The following SLCO5A1 variants were observed in gnomAD, a reference collection of about 807,000 sequenced individuals.
SLCO5A1 encodes the protein solute carrier organic anion transporter family member 5A1, also known as organic anion transporter polypeptide-related protein 4.
In SLCO5A1, 39 loss-of-function variants were observed where a neutral mutation model predicts 65.1. That is an observed-to-expected ratio of 0.60 (90% CI 0.46 to 0.78). The LOEUF (loss-of-function observed/expected upper bound fraction) is 0.78. SLCO5A1 is among the 30% of genes least tolerant of loss of function. The pLI, the probability that SLCO5A1 is intolerant of heterozygous loss-of-function variation, is 0.00. For synonymous variants in SLCO5A1, 438 were observed against 415.7 expected (o/e 1.05, Z -0.65); for missense variants, 1,029 against 1,069.4 (o/e 0.96, Z 0.53).
chr8:69,818,991 G>A (rs1820521199), intron 2 of SLCO5A1, among the ~76,000 whole-genome samples: 1 of 152,060 alleles, frequency 6.6e-6, no homozygotes, highest in South Asian at 2.1e-4. Flanking sequence ...ATTTATTCAT[G>A]ATTTGCACAG....
At chr8:69,770,084 GT>G (rs1293367360) in intron 2 of SLCO5A1, among the ~76,000 whole-genome samples, 1 of 152,100 alleles carries the variant, frequency 6.6e-6, no homozygotes, top group Non-Finnish European at 1.5e-5. Context: ...CCGTAATTAT[GT>G]TTTTTCATGT....
chr8:69,684,535 C>A (rs1209235736), intron 6 of SLCO5A1, among the ~76,000 whole-genome samples: 1 of 152,180 alleles, frequency 6.6e-6, no homozygotes, highest in African/African-American at 2.4e-5. Flanking sequence ...TAAATGATGC[C>A]ATGGCAAATG....
chr8:69,723,834 G>A lies in SLCO5A1; in HGVS notation c.1423+14206C>T, dbSNP rs574655273. 6.3e-4 allele frequency among the ~76,000 whole-genome samples: 95 copies of A among 149,986 alleles called. 1 individual carries two copies. Among genetic ancestry groups the A allele is most frequent in the African/African-American group, 2.1e-3 (84 of 40,794 alleles). Reference sequence around the variant, plus strand: ...GTCATCCAGGACAGGGTGCAATGGCGCAATCTCGGCTCACTGCAACCTCCG... The same window carrying A: ...GTCATCCAGGACAGGGTGCAATGGCACAATCTCGGCTCACTGCAACCTCCG... On this transcript the variant is annotated intron_variant, in intron 5 of 9. Coordinates refer to ENST00000260126, the MANE Select transcript of SLCO5A1 (RefSeq NM_030958.3).
At chr8:69,769,132 A>G (rs1818205106) in intron 2 of SLCO5A1, among the ~76,000 whole-genome samples, 2 of 152,142 alleles carry the variant, frequency 1.3e-5, no homozygotes, top group South Asian at 4.2e-4. Flanking sequence ...AGTGACCCAC[A>G]TGGGCTACAC....
intron 2 of SLCO5A1, among the ~76,000 whole-genome samples, chr8:69,790,324 G>A (rs1205199031): frequency 5.3e-5 from 8 of 151,308 alleles, no homozygotes; most frequent in Admixed American, 2.0e-4. Flanking sequence ...AGCATCTCAC[G>A]TACCCCATAA....
At chr8:69,790,450 T>TA (rs1385421113) in intron 2 of SLCO5A1, among the ~76,000 whole-genome samples, 1 of 151,998 alleles carries the variant, frequency 6.6e-6, no homozygotes, top group South Asian at 2.1e-4. Context: ...CCTAAACACT[T>TA]AATATCCCTA....
rs114065329 is a variant in SLCO5A1, at chr8:69,768,283, C to T, written c.908-6408G>A. Reference sequence around the variant, plus strand: ...AATTTTTTATAGATTGATTACATATCATGATCAAAAGAATGACCATGACCC... The same window carrying T: ...AATTTTTTATAGATTGATTACATATTATGATCAAAAGAATGACCATGACCC... On this transcript the variant is annotated intron_variant, in intron 2 of 9. Transcript: ENST00000260126. Among the ~76,000 whole-genome samples the T allele has an allele frequency of 2.8e-3, 431 of 152,304 alleles. 1 individual carries two copies. The highest frequency in any genetic ancestry group is 0.01 in the Middle Eastern group (3 of 294).
At chr8:69,780,673 T>A (rs1043264755) in intron 2 of SLCO5A1, among the ~76,000 whole-genome samples, 1 of 152,158 alleles carries the variant, frequency 6.6e-6, no homozygotes, top group African/African-American at 2.4e-5. Context: ...TGGTGGATGA[T>A]GAGCGATTAC....
intron 2 of SLCO5A1, among the ~76,000 whole-genome samples, chr8:69,762,528 T>TA (rs1817846971): frequency 6.6e-6 from 1 of 151,946 alleles, no homozygotes; most frequent in Non-Finnish European, 1.5e-5. Context: ...CCAGAACCAC[T>TA]AAATTCTAAT....
intron 2 of SLCO5A1, among the ~76,000 whole-genome samples, chr8:69,764,778 G>T (rs1036138835): frequency 3.9e-5 from 6 of 152,114 alleles, no homozygotes; most frequent in Non-Finnish European, 1.5e-5. Context: ...ACTGTAATGA[G>T]GCCAAAATGT....
In SLCO5A1 at chr8:69,798,550, C is replaced by T. The variant is rs1034952687; in HGVS notation, c.907+33217G>A. Among the ~76,000 whole-genome samples, 5 of 152,148 alleles carry T rather than the reference C, an allele frequency of 3.3e-5. No homozygotes were observed. In the South Asian group the frequency reaches 8.3e-4, roughly 25 times the overall value. ...TTTAAATAACCAGATCTCATGATAACTCACCCACTCACTATCACAAGAACA... is the reference window on the plus strand; with the variant it reads ...TTTAAATAACCAGATCTCATGATAATTCACCCACTCACTATCACAAGAACA... On this transcript the variant is annotated intron_variant, in intron 2 of 9. Transcript: ENST00000260126.
rs1586837278 is a variant in SLCO5A1, at chr8:69,822,967, C to A, written c.907+8800G>T. On this transcript the variant is annotated intron_variant, in intron 2 of 9. Coordinates refer to ENST00000260126, the MANE Select transcript of SLCO5A1 (RefSeq NM_030958.3). Reference sequence around the variant, plus strand: ...GGTGGAAGAGCCAGCACCCACCCTGCTTAACTGATGGCTGAACCATGCCAA... The same window carrying A: ...GGTGGAAGAGCCAGCACCCACCCTGATTAACTGATGGCTGAACCATGCCAA... 3.3e-5 allele frequency among the ~76,000 whole-genome samples: 5 copies of A among 152,348 alleles called. No individual in the cohort carries two copies. In the Middle Eastern group the frequency reaches 0.017, roughly 518 times the overall value.
At chr8:69,673,410 T>G (rs528041682) in intron 9 of SLCO5A1, 84 bp from the exon 10 acceptor site, 67 of 1,242,146 alleles carry the variant, frequency 5.4e-5, no homozygotes, top group Non-Finnish European at 7.0e-5. Context: ...AAGGTACTTG[T>G]GTGCTCTAAA....
At chr8:69,784,811 A>AAGAAAGAAAGAAAG (rs1554620797) in intron 2 of SLCO5A1, among the ~76,000 whole-genome samples, 10 of 70,928 alleles carry the variant, frequency 1.4e-4, no homozygotes, top group African/African-American at 7.0e-4. Context: ...GAAAGAAAGA[A>AAGAAAGAAAGAAAG]AAAGAAAGAA....
In SLCO5A1 at chr8:69,672,939, G is replaced by A; in HGVS notation, c.2477C>T (p.Pro826Leu). The change falls in exon 10 of 10, where the codon CCA becomes CTA. Residue 826 changes from proline to leucine, a missense_variant. Physicochemically the swap from Pro to Leu is moderately conservative, Grantham distance 98. Coordinates refer to ENST00000260126, the MANE Select transcript of SLCO5A1 (RefSeq NM_030958.3). ...GTCCGCAGAGGAACTTATTGCTTCT[G>A]GGAAGGGCCCCGGGTAGGTCTGTGC... is the stretch of plus-strand genomic sequence containing the variant. ...CAAQTYPGPF[P>L]EAISSSADPG... 2.5e-6 allele frequency: 4 copies of A among 1,614,212 alleles called. No homozygotes were observed. The highest frequency in any genetic ancestry group is 3.4e-6 in the Non-Finnish European group (4 of 1,180,032).
intron 2 of SLCO5A1, among the ~76,000 whole-genome samples, chr8:69,782,579 C>CAA (rs773987113): frequency 3.5e-3 from 190 of 53,892 alleles, no homozygotes; most frequent in Middle Eastern, 0.011. Context: ...GACCCTGTCT[C>CAA]AAAAAAAAAA....
chr8:69,822,132 A>T (rs1224095033), intron 2 of SLCO5A1, among the ~76,000 whole-genome samples: 1 of 152,194 alleles, frequency 6.6e-6, no homozygotes, highest in Middle Eastern at 3.2e-3. Context: ...GTCTCAAAAT[A>T]AAATAAAATA....
intron 2 of SLCO5A1, among the ~76,000 whole-genome samples, chr8:69,767,826 G>T (rs2130870156): frequency 7.1e-6 from 1 of 141,640 alleles, no homozygotes; most frequent in South Asian, 2.3e-4. Flanking sequence ...AGAGGCAGAG[G>T]TTGCAGTGAG....
In SLCO5A1 at chr8:69,668,329, G is replaced by A. The variant is rs1230698392; in HGVS notation, c.*4540C>T. On this transcript the variant is annotated 3_prime_UTR_variant, in exon 10 of 10. Coordinates refer to ENST00000260126, the MANE Select transcript of SLCO5A1 (RefSeq NM_030958.3). ...CGCAGCACTCTCTTATTATGGAAGA[G>A]AAAACACAAATGTGTGGAAAGGCTA... The A allele has an allele frequency of 6.6e-6, 1 of 152,190 alleles. No homozygotes were observed. The highest frequency in any genetic ancestry group is 1.5e-5 in the Non-Finnish European group (1 of 68,028). 9.4% of individuals were successfully genotyped at this position (152,190 alleles called of 1,614,324 possible).
Sources: gnomAD v4.1 joint callset for allele counts (sites outside exome capture counted in the v4.1 genomes callset) on GRCh38, gnomAD v4.1.1 for gene constraint, MANE v1.5 for transcripts, NCBI Gene and HGNC (gene_info 2026-07-23, HGNC 2026-07-21) for gene names.